Variants in FRYL observed in about 807,000 individuals in gnomAD.
The protein encoded by FRYL is FRY like transcription coactivator.
In FRYL, 150 loss-of-function variants were observed where a neutral mutation model predicts 351.2. The ratio of observed to expected loss-of-function variants is 0.43; its 90% CI spans 0.37 to 0.49. The LOEUF (loss-of-function observed/expected upper bound fraction) is 0.49. Ranked by LOEUF, FRYL falls within the 20% of genes least tolerant of loss-of-function variation. FRYL has a pLI of 0.00. For synonymous variants in FRYL, 1,153 were observed against 1,257.1 expected, an observed-to-expected ratio of 0.92 and a Z score of 1.75; for missense variants, 3,036 against 3,619.3, an observed-to-expected ratio of 0.84 and a Z score of 4.13.
At chr4:48,558,434 G>A (rs972397102) in intron 33 of FRYL, among the ~76,000 whole-genome samples, 24 of 152,166 alleles carry the variant, frequency 1.6e-4, no homozygotes, top group African/African-American at 2.9e-4. Flanking sequence ...GAGCTTGGGG[G>A]CAGAGGGAAA....
At chr4:48,632,564 A>G (rs1316238982) in intron 4 of FRYL, among the ~76,000 whole-genome samples, 1 of 150,626 alleles carries the variant, frequency 6.6e-6, no homozygotes, top group Non-Finnish European at 1.5e-5. Flanking sequence ...TATGCTGTCT[A>G]TATATATACT....
At chr4:48,616,998 T>C (rs74344929) in intron 7 of FRYL, among the ~76,000 whole-genome samples, 4,431 of 152,298 alleles carry the variant, frequency 0.029, 213 homozygotes, top group African/African-American at 0.1. Context: ...TCTCTAGTTT[T>C]ATTAGAGAAG....
chr4:48,719,132 G>A (rs985963119), intron 1 of FRYL, among the ~76,000 whole-genome samples: 1 of 151,500 alleles, frequency 6.6e-6, no homozygotes, highest in South Asian at 2.1e-4. Context: ...TAATTCAATG[G>A]TGTCTCCCAG....
chr4:48,573,514 G>A (rs535030049), intron 25 of FRYL, among the ~76,000 whole-genome samples: 87 of 152,178 alleles, frequency 5.7e-4, no homozygotes, highest in South Asian at 5.2e-3. Context: ...ATCCACATAC[G>A]TTTTACTTAG....
chr4:48,527,098 G>A (rs1340475745), intron 53 of FRYL, among the ~76,000 whole-genome samples: 1 of 152,126 alleles, frequency 6.6e-6, no homozygotes, highest in East Asian at 1.9e-4. Flanking sequence ...GTTGATGAAT[G>A]TGCAATTTAG....
In FRYL at chr4:48,561,665, G is replaced by A. The variant is rs750214215; in HGVS notation, c.3697-29C>T. The stretch of plus-strand genomic sequence containing the variant: ...TAGGAATGTGATTCCATCAACTTAG[G>A]TTAAGATTTTATGGGTTCTCTAAAG... On this transcript the variant is annotated intron_variant, in intron 32 of 63. Coordinates refer to ENST00000358350, the MANE Select transcript of FRYL (RefSeq NM_015030.2). The A allele has an allele frequency of 4.7e-5, 73 of 1,556,268 alleles. No homozygotes were observed. In the Middle Eastern group the frequency reaches 1.0e-3, roughly 22 times the overall value.
intron 2 of FRYL, among the ~76,000 whole-genome samples, chr4:48,697,558 C>CA (rs756815815): frequency 2.0e-5 from 3 of 152,148 alleles, no homozygotes; most frequent in Non-Finnish European, 4.4e-5. Context: ...CAGCTTACTG[C>CA]AACCTCTGCC....
chr4:48,519,017 C>T (rs376025155), intron 55 of FRYL, among the ~76,000 whole-genome samples: 1 of 152,240 alleles, frequency 6.6e-6, no homozygotes, highest in Admixed American at 6.5e-5. Context: ...AATGAATGCT[C>T]ACATGCCATG....
intron 3 of FRYL, among the ~76,000 whole-genome samples, chr4:48,641,572 T>C (rs909922217): frequency 1.3e-5 from 2 of 152,078 alleles, no homozygotes; most frequent in African/African-American, 2.4e-5. Context: ...GACTGGCTCG[T>C]AGGAATTAGA....
intron 1 of FRYL, among the ~76,000 whole-genome samples, chr4:48,716,850 T>C (rs1015054490): frequency 6.6e-6 from 1 of 151,430 alleles, no homozygotes; most frequent in Non-Finnish European, 1.5e-5. Context: ...CTATTCACAA[T>C]AGCAAAGACT....
At chr4:48,639,255 A>G (rs1254126027) in intron 3 of FRYL, among the ~76,000 whole-genome samples, 1 of 152,154 alleles carries the variant, frequency 6.6e-6, no homozygotes, top group Non-Finnish European at 1.5e-5. Context: ...ACAATATTGA[A>G]GGAGAAGAAA....
intron 1 of FRYL, among the ~76,000 whole-genome samples, chr4:48,722,537 T>C (rs1404025355): frequency 2.6e-5 from 4 of 152,220 alleles, no homozygotes; most frequent in Non-Finnish European, 4.4e-5. Context: ...TTCTAAGGGC[T>C]TTCACTGAAT....
chr4:48,702,527 G>A (rs1578767177), intron 2 of FRYL, among the ~76,000 whole-genome samples: 1 of 126,592 alleles, frequency 7.9e-6, no homozygotes, highest in South Asian at 2.7e-4. Flanking sequence ...TGTAATCCCA[G>A]CACTTTGGGA....
chr4:48,524,513 A>C (rs1237637408), intron 53 of FRYL, among the ~76,000 whole-genome samples: 3 of 152,114 alleles, frequency 2.0e-5, no homozygotes, highest in Non-Finnish European at 4.4e-5. Flanking sequence ...TTTTATTATA[A>C]TTTTCATTAG....
intron 1 of FRYL, among the ~76,000 whole-genome samples, chr4:48,734,689 T>A (rs1181288276): frequency 5.9e-5 from 9 of 152,208 alleles, no homozygotes; most frequent in Non-Finnish European, 1.2e-4. Context: ...TACGTTTAAA[T>A]CTTTAATCCA....
At position 48,592,082 on chromosome 4, in the gene FRYL, T is replaced by TTATATATATATATA. The variant is rs56320005; in HGVS notation, c.1336-1266_1336-1253dup. On this transcript the variant is annotated intron_variant, in intron 16 of 63. Transcript: ENST00000358350. Reference sequence around the variant, plus strand: ...GGAATACGGGAAGAAAATAAAGCTCTTATATATATATATATATATATATAT... The same window carrying TTATATATATATATA: ...GGAATACGGGAAGAAAATAAAGCTCTTATATATATATATATATATATATATATATATATATATAT... Among the ~76,000 whole-genome samples, 916 of 115,710 alleles carry TTATATATATATATA rather than the reference T, an allele frequency of 7.9e-3. 17 individuals are homozygous for TTATATATATATATA. The highest frequency in any genetic ancestry group is 0.01 in the Non-Finnish European group (607 of 59,466). 75.9% of individuals were successfully genotyped at this position (115,710 alleles called of 152,430 possible). A position where few individuals can be genotyped will look rare whatever the true frequency, so the allele number is the denominator to read the frequency against.
At chr4:48,534,920 T>A (rs944408730) in intron 48 of FRYL, among the ~76,000 whole-genome samples, 1 of 152,174 alleles carries the variant, frequency 6.6e-6, no homozygotes, top group African/African-American at 2.4e-5. Flanking sequence ...GTGTTTTATT[T>A]CCTTAACTAA....
At position 48,576,240 on chromosome 4, in the gene FRYL, A is replaced by G; in HGVS notation, c.2529-18T>C. 1 of 1,551,974 alleles carries G rather than the reference A, an allele frequency of 6.4e-7. No individual in the cohort carries two copies. On this transcript the variant is annotated intron_variant, in intron 23 of 63. Transcript: ENST00000358350. ...TGGGGCTACTAAGGAAAAAAAAAGA[A>G]AAATAGGCAGATATGAATAACACAA... is the stretch of plus-strand genomic sequence containing the variant.
intron 2 of FRYL, among the ~76,000 whole-genome samples, chr4:48,693,445 A>C (rs1287927956): frequency 6.6e-6 from 1 of 152,124 alleles, no homozygotes; most frequent in Non-Finnish European, 1.5e-5. Context: ...TAAATGTTTG[A>C]GCTGAGGAAT....
Sources: gnomAD v4.1 joint callset for allele counts (sites outside exome capture counted in the v4.1 genomes callset) on GRCh38, gnomAD v4.1.1 for gene constraint, MANE v1.5 for transcripts, NCBI Gene and HGNC (gene_info 2026-07-23, HGNC 2026-07-21) for gene names.